MOB3B: variants seen among roughly 807,000 people sequenced by gnomAD.
MOB3B encodes MOB kinase activator 3B.
Under a neutral mutation model 18.7 loss-of-function variants are expected in MOB3B, and 7 were observed. That is an observed-to-expected ratio of 0.37 (90% CI 0.21 to 0.70). MOB3B has a LOEUF of 0.70. Ranked by LOEUF, MOB3B falls within the 30% of genes least tolerant of loss-of-function variation. MOB3B has a pLI of 0.52. For missense variants in MOB3B, 253 were observed against 281.3 expected, an observed-to-expected ratio of 0.90 and a Z score of 0.72; for synonymous variants, 111 against 99.9, an observed-to-expected ratio of 1.11 and a Z score of -0.66.
At chr9:27,331,896 G>A (rs961612433) in intron 3 of MOB3B, among the ~76,000 whole-genome samples, 1 of 152,226 alleles carries the variant, frequency 6.6e-6, no homozygotes, top group African/African-American at 2.4e-5. Context: ...CCATACAGAT[G>A]TGCTGGTTAA....
At position 27,406,488 on chromosome 9, in the gene MOB3B, T is replaced by A. The variant is rs530306306; in HGVS notation, c.419-47252A>T. ...ATCACATTACACTGACTTCAAATTA[T>A]GCTACAAAGCTACAGTAATTAAAAC... On this transcript the variant is annotated intron_variant, in intron 2 of 3. Coordinates refer to ENST00000262244, the MANE Select transcript of MOB3B (RefSeq NM_024761.5). 1.5e-3 allele frequency among the ~76,000 whole-genome samples: 225 copies of A among 152,322 alleles called. 1 individual carries two copies. The highest frequency in any genetic ancestry group is 5.3e-3 in the African/African-American group (219 of 41,568).
chr9:27,404,320 TTTCTTTCTTTCTTTCC>T (rs1434870735), intron 2 of MOB3B, among the ~76,000 whole-genome samples: 51 of 146,444 alleles, frequency 3.5e-4, no homozygotes, highest in African/African-American at 1.0e-3. Context: ...CCACATTTTC[TTTCTTTCTTTCTTTCC>T]TTCTTTCTTT....
intron 2 of MOB3B, among the ~76,000 whole-genome samples, chr9:27,373,693 A>T (rs1052544806): frequency 6.6e-6 from 1 of 152,264 alleles, no homozygotes; most frequent in East Asian, 1.9e-4. Flanking sequence ...TGCAATTTAA[A>T]GTCTCAATTA....
At chr9:27,347,404 T>C (rs1821043158) in intron 3 of MOB3B, among the ~76,000 whole-genome samples, 1 of 152,268 alleles carries the variant, frequency 6.6e-6, no homozygotes. Context: ...GGCCTATCAC[T>C]GTATCCTCAG....
At chr9:27,418,885 C>A (rs535832991) in intron 2 of MOB3B, among the ~76,000 whole-genome samples, 54 of 152,054 alleles carry the variant, frequency 3.6e-4, no homozygotes, top group African/African-American at 1.3e-3. Flanking sequence ...ACAATGTGAT[C>A]GTTTACCTTG....
chr9:27,357,142 A>G lies in MOB3B; in HGVS notation c.621+1892T>C, dbSNP rs1406956084. Among the ~76,000 whole-genome samples the G allele has an allele frequency of 9.5e-4, 76 of 79,786 alleles. 4 individuals carry two copies. Among genetic ancestry groups the G allele is most frequent in the African/African-American group, 3.5e-3 (73 of 20,766 alleles). 52.3% of individuals were successfully genotyped at this position (79,786 alleles called of 152,430 possible). On this transcript the variant is annotated intron_variant, in intron 3 of 3. Coordinates refer to ENST00000262244, the MANE Select transcript of MOB3B (RefSeq NM_024761.5). ...TGCAAATATATATATATATATATAT[A>G]TATGTGTTTTTTTTTTTGCCATATA...
chr9:27,362,586 T>G (rs574246135), intron 2 of MOB3B, among the ~76,000 whole-genome samples: 64 of 152,240 alleles, frequency 4.2e-4, no homozygotes, highest in South Asian at 8.3e-4. Flanking sequence ...ATGTAATTCA[T>G]TCTTCAAAAG....
chr9:27,326,195 T>G lies in MOB3B; in HGVS notation c.*4392A>C, dbSNP rs145298714. 180 of 349,012 alleles carry G rather than the reference T, an allele frequency of 5.2e-4. No homozygotes were observed. The highest frequency in any genetic ancestry group is 3.3e-3 in the African/African-American group (156 of 47,820). The allele number at this position is 349,012 out of a possible 1,614,324, so 21.6% of individuals were successfully genotyped here. On this transcript the variant is annotated 3_prime_UTR_variant, in exon 4 of 4. Coordinates refer to ENST00000262244, the MANE Select transcript of MOB3B (RefSeq NM_024761.5). Reference sequence around the variant, plus strand: ...AAGTTCTTTTCATGTTCACTGCTGGTCACAGCCATAACAGAGAGTGATGTG... The same window carrying G: ...AAGTTCTTTTCATGTTCACTGCTGGGCACAGCCATAACAGAGAGTGATGTG...
intron 1 of MOB3B, chr9:27,524,283 T>C: frequency 1.3e-6 from 2 of 1,515,042 alleles, no homozygotes; most frequent in Non-Finnish European, 1.8e-6. Context: ...GAAGGAAAAC[T>C]CAAAACATCA....
intron 1 of MOB3B, among the ~76,000 whole-genome samples, chr9:27,478,685 T>C (rs1337299998): frequency 6.6e-6 from 1 of 152,116 alleles, no homozygotes; most frequent in Non-Finnish European, 1.5e-5. Context: ...ATTGAAGTTC[T>C]GGAGAAGGAG....
chr9:27,529,129 C>A (rs753871081), intron 1 of MOB3B, among the ~76,000 whole-genome samples: 1 of 152,230 alleles, frequency 6.6e-6, no homozygotes, highest in Non-Finnish European at 1.5e-5. Flanking sequence ...GTCCCCCAGC[C>A]CAGGCGCACT....
At chr9:27,528,693 C>T (rs149011333) in intron 1 of MOB3B, among the ~76,000 whole-genome samples, 1,661 of 152,170 alleles carry the variant, frequency 0.011, 35 homozygotes, top group African/African-American at 0.038. Flanking sequence ...CGCGGAGAAA[C>T]AAAAGGCCAT....
At chr9:27,355,914 C>A (rs1169578216) in intron 3 of MOB3B, among the ~76,000 whole-genome samples, 1 of 152,130 alleles carries the variant, frequency 6.6e-6, no homozygotes, top group Non-Finnish European at 1.5e-5. Flanking sequence ...GTTGACTTGA[C>A]ATGTTATGCC....
At chr9:27,339,396 G>A (rs1820909447) in intron 3 of MOB3B, among the ~76,000 whole-genome samples, 1 of 152,232 alleles carries the variant, frequency 6.6e-6, no homozygotes, top group Non-Finnish European at 1.5e-5. Flanking sequence ...AACTTGAGAA[G>A]TGAACGAATG....
At chr9:27,432,481 C>T (rs778185996) in intron 2 of MOB3B, among the ~76,000 whole-genome samples, 1 of 152,116 alleles carries the variant, frequency 6.6e-6, no homozygotes, top group African/African-American at 2.4e-5. Context: ...TCTTTCTATG[C>T]CCTGCAATGC....
At chr9:27,336,493 C>T (rs1475101350) in intron 3 of MOB3B, among the ~76,000 whole-genome samples, 1 of 152,050 alleles carries the variant, frequency 6.6e-6, no homozygotes, top group Non-Finnish European at 1.5e-5. Flanking sequence ...TAGAAGGCTC[C>T]GCAGTGTGGT....
intron 3 of MOB3B, among the ~76,000 whole-genome samples, chr9:27,343,950 A>T (rs1326554878): frequency 6.6e-6 from 1 of 152,172 alleles, no homozygotes; most frequent in East Asian, 1.9e-4. Context: ...CAAAAGCCAT[A>T]GGTACCAAGA....
chr9:27,487,553 T>C (rs955916358), intron 1 of MOB3B, among the ~76,000 whole-genome samples: 8 of 152,074 alleles, frequency 5.3e-5, no homozygotes, highest in African/African-American at 1.9e-4. Flanking sequence ...GGAGAACTGA[T>C]GATGCAGACA....
At chr9:27,373,338 C>T (rs1821448293) in intron 2 of MOB3B, among the ~76,000 whole-genome samples, 1 of 152,212 alleles carries the variant, frequency 6.6e-6, no homozygotes, top group African/African-American at 2.4e-5. Context: ...AGATACAACT[C>T]CCACTATACA....
Sources: gnomAD v4.1 joint callset for allele counts (sites outside exome capture counted in the v4.1 genomes callset) on GRCh38, gnomAD v4.1.1 for gene constraint, MANE v1.5 for transcripts, NCBI Gene and HGNC (gene_info 2026-07-23, HGNC 2026-07-21) for gene names.